The following STMND1 variants were observed in gnomAD, a reference collection of about 807,000 sequenced individuals.
STMND1 encodes the protein stathmin domain-containing protein 1.
Under a neutral mutation model 23.0 loss-of-function variants are expected in STMND1, and 17 were observed. That is an observed-to-expected ratio of 0.74 (90% CI 0.51 to 1.11). The LOEUF is 1.11. Ranked by LOEUF, STMND1 falls within the 50% of genes least tolerant of loss-of-function variation. The probability of loss-of-function intolerance (pLI) is 0.00; values close to 1 mark genes in which losing one functional copy is unlikely to be tolerated. For synonymous variants in STMND1, 114 were observed against 119.9 expected (o/e 0.95, Z 0.32); for missense variants, 305 against 329.1 (o/e 0.93, Z 0.57).
intron 1 of STMND1, among the ~76,000 whole-genome samples, chr6:17,109,415 A>C (rs532263395): frequency 2.6e-5 from 4 of 152,340 alleles, no homozygotes; most frequent in Non-Finnish European, 1.5e-5. Flanking sequence ...ATCGTGACAG[A>C]CACCACCATA....
intron 4 of STMND1, among the ~76,000 whole-genome samples, chr6:17,129,617 G>C (rs1761359771): frequency 1.3e-5 from 2 of 152,040 alleles, no homozygotes; most frequent in Non-Finnish European, 2.9e-5. Context: ...GGCCGAGGCA[G>C]GCGGATCACG....
Position 17,102,280 on chromosome 6 carries a change from C to T in STMND1, c.23C>T (p.Pro8Leu), listed in dbSNP as rs1245877020. The change falls in exon 1 of 5, where the codon CCT (proline) becomes CTT (leucine). Residue 8 changes from proline to leucine, a missense_variant. Coordinates refer to ENST00000536551, the MANE Select transcript of STMND1 (RefSeq NM_001190766.2). ...AGCATGGGCTGTGGACCTTCCCAAC[C>T]TGCTGAAGACCGGAGACGTGTACGC... Reference protein sequence around the residue: MGCGPSQPAEDRRRVRAP... With the variant: MGCGPSQLAEDRRRVRAP... 12 of 1,536,078 alleles carry T rather than the reference C, an allele frequency of 7.8e-6. No individual in the cohort carries two copies. The highest frequency in any genetic ancestry group is 1.0e-5 in the Non-Finnish European group (12 of 1,146,868).
At chr6:17,103,000 T>A (rs1226002317) in intron 1 of STMND1, among the ~76,000 whole-genome samples, 1 of 152,060 alleles carries the variant, frequency 6.6e-6, no homozygotes, top group African/African-American at 2.4e-5. Context: ...TCTAGAGACA[T>A]TATGGGGAAT....
intron 3 of STMND1, among the ~76,000 whole-genome samples, chr6:17,124,498 G>T (rs1392540265): frequency 6.6e-6 from 1 of 151,750 alleles, no homozygotes; most frequent in East Asian, 1.9e-4. Flanking sequence ...CCTCATGAAG[G>T]TCCCTCTTCC....
intron 1 of STMND1, among the ~76,000 whole-genome samples, chr6:17,109,521 A>G (rs1761071244): frequency 6.6e-6 from 1 of 152,122 alleles, no homozygotes; most frequent in Admixed American, 6.5e-5. Flanking sequence ...ATATTTTTTA[A>G]ATTTGTATGA....
intron 3 of STMND1, among the ~76,000 whole-genome samples, chr6:17,124,857 G>A (rs1761276054): frequency 1.3e-5 from 2 of 151,778 alleles, no homozygotes; most frequent in African/African-American, 4.8e-5. Context: ...AAATTAGCTG[G>A]GCATGGTGGT....
At chr6:17,127,072 T>G (rs2113494548) in intron 3 of STMND1, among the ~76,000 whole-genome samples, 1 of 152,364 alleles carries the variant, frequency 6.6e-6, no homozygotes, top group African/African-American at 2.4e-5. Flanking sequence ...TTGTCCTGGT[T>G]ATGAGTTTGT....
At chr6:17,106,601 T>C (rs1041375139) in intron 1 of STMND1, among the ~76,000 whole-genome samples, 1 of 152,226 alleles carries the variant, frequency 6.6e-6, no homozygotes, top group Non-Finnish European at 1.5e-5. Flanking sequence ...GGAAATCTGA[T>C]CTGGGAAAGG....
chr6:17,129,700 C>G (rs1182302090), intron 4 of STMND1, among the ~76,000 whole-genome samples: 147 of 140,182 alleles, frequency 1.0e-3, no homozygotes, highest in South Asian at 3.5e-3. Context: ...AAAAATTAGC[C>G]GGGCGTGGTG....
chr6:17,128,956 T>TCCCACCTTGGCCTC (rs1761346521), intron 3 of STMND1, 156 bp from the exon 4 acceptor site: 2 of 629,880 alleles, frequency 3.2e-6, no homozygotes, highest in African/African-American at 3.8e-5. Flanking sequence ...CAAGCAGTCT[T>TCCCACCTTGGCCTC]CCCACCTTGG....
At chr6:17,106,051 G>C (rs909475315) in intron 1 of STMND1, among the ~76,000 whole-genome samples, 8 of 152,094 alleles carry the variant, frequency 5.3e-5, no homozygotes, top group Non-Finnish European at 1.0e-4. Context: ...ACAAACCTTA[G>C]GACTTGTTCC....
At chr6:17,127,494 G>C (rs947880666) in intron 3 of STMND1, among the ~76,000 whole-genome samples, 1 of 152,180 alleles carries the variant, frequency 6.6e-6, no homozygotes, top group Non-Finnish European at 1.5e-5. Flanking sequence ...AGGTTGCAGT[G>C]AGCCAAGATC....
rs1411294259 is a variant in STMND1, at chr6:17,102,083, C to CT, written c.-174dup. Reference sequence around the variant, plus strand: ...CGACTGCCCAGAAACTCAGTGCGTCCTGCCCGGGGTTTAAGCGCGGGAAGT... The same window carrying CT: ...CGACTGCCCAGAAACTCAGTGCGTCCTTGCCCGGGGTTTAAGCGCGGGAAGT... On this transcript the variant is annotated 5_prime_UTR_variant, in exon 1 of 5. Transcript: ENST00000536551. 2.6e-5 allele frequency among the ~76,000 whole-genome samples: 4 copies of CT among 152,230 alleles called. No individual in the cohort carries two copies. The highest frequency in any genetic ancestry group is 4.4e-5 in the Non-Finnish European group (3 of 68,044).
At position 17,120,602 on chromosome 6, in the gene STMND1, G is replaced by T; in HGVS notation, c.260-5G>T. The T allele has an allele frequency of 6.9e-7, 1 of 1,454,000 alleles. No individual in the cohort carries two copies. The highest frequency in any genetic ancestry group is 9.0e-7 in the Non-Finnish European group (1 of 1,108,484). 90.1% of individuals were successfully genotyped at this position (1,454,000 alleles called of 1,614,324 possible). ...TTTCTTTTTTCTTTTCTTCTTTTTT[G>T]GAAGACCTAGTGACCAATGGATTAA... On this transcript the variant is annotated splice_polypyrimidine_tract_variant and splice_region_variant and intron_variant, in intron 2 of 4. Coordinates refer to ENST00000536551, the MANE Select transcript of STMND1 (RefSeq NM_001190766.2).
intron 4 of STMND1, 103 bp from the exon 5 acceptor site, chr6:17,130,487 CTGAA>C: frequency 1.1e-6 from 1 of 877,030 alleles, no homozygotes; most frequent in East Asian, 2.7e-5. Context: ...TGTTATTTGA[CTGAA>C]TGATGACATA....
At chr6:17,128,987 A>T in intron 3 of STMND1, 125 bp from the exon 4 acceptor site, 2 of 988,704 alleles carry the variant, frequency 2.0e-6, no homozygotes, top group Non-Finnish European at 2.8e-6. Context: ...TGCCGGGATT[A>T]CAGGCATGAG....
intron 1 of STMND1, among the ~76,000 whole-genome samples, chr6:17,113,634 C>CT (rs35898545): frequency 0.041 from 5,551 of 135,550 alleles, 361 homozygotes; most frequent in African/African-American, 0.13. Context: ...GTCTGCATCA[C>CT]TTTTTTTTTT....
intron 2 of STMND1, among the ~76,000 whole-genome samples, chr6:17,115,468 C>T (rs1408240675): frequency 1.3e-5 from 2 of 149,248 alleles, no homozygotes; most frequent in African/African-American, 4.9e-5. Flanking sequence ...GGAATTTAAA[C>T]TCCCACGATG....
chr6:17,119,065 C>T (rs1164961336), intron 2 of STMND1, among the ~76,000 whole-genome samples: 1 of 152,140 alleles, frequency 6.6e-6, no homozygotes, highest in African/African-American at 2.4e-5. Context: ...TCACCTCTGA[C>T]CTTTTCATTG....
Sources: gnomAD v4.1 joint callset for allele counts (sites outside exome capture counted in the v4.1 genomes callset) on GRCh38, gnomAD v4.1.1 for gene constraint, MANE v1.5 for transcripts, NCBI Gene and HGNC (gene_info 2026-07-23, HGNC 2026-07-21) for gene names.